Variants in RBMS3 observed in about 807,000 individuals in gnomAD.
The protein encoded by RBMS3 is RNA-binding motif, single-stranded-interacting protein 3.
A neutral mutation model predicts 66.8 loss-of-function variants in RBMS3; 27 were observed. The observed-to-expected ratio is 0.40, with a 90% CI of 0.30 to 0.56. The LOEUF is 0.56. Ranked by LOEUF, RBMS3 falls within the 20% of genes least tolerant of loss-of-function variation. RBMS3 has a pLI of 0.40. For missense variants in RBMS3, 513 were observed against 549.5 expected, an observed-to-expected ratio of 0.93 and a Z score of 0.66; for synonymous variants, 188 against 183.0, an observed-to-expected ratio of 1.03 and a Z score of -0.22.
At chr3:29,847,396 T>G (rs901730323) in intron 6 of RBMS3, among the ~76,000 whole-genome samples, 22 of 152,218 alleles carry the variant, frequency 1.4e-4, no homozygotes, top group Admixed American at 4.6e-4. Flanking sequence ...AGAGTTCCAA[T>G]TTCAGCACAC....
chr3:29,867,683 T>C (rs933132025), intron 6 of RBMS3, among the ~76,000 whole-genome samples: 1 of 151,252 alleles, frequency 6.6e-6, no homozygotes, highest in Non-Finnish European at 1.5e-5. Flanking sequence ...TAACATCCCA[T>C]TGGCCAAAGC....
intron 4 of RBMS3, among the ~76,000 whole-genome samples, chr3:29,646,049 G>A (rs546955951): frequency 3.9e-5 from 6 of 152,274 alleles, no homozygotes; most frequent in South Asian, 2.1e-4. Context: ...TATCATCTTC[G>A]ATGTTCCCTT....
intron 1 of RBMS3, among the ~76,000 whole-genome samples, chr3:29,389,200 G>A (rs1409852568): frequency 4.6e-5 from 7 of 152,028 alleles, no homozygotes. Context: ...ATATCTCTTA[G>A]CCATGGGTTC....
chr3:29,685,490 G>A (rs1241308558), intron 4 of RBMS3, among the ~76,000 whole-genome samples: 3 of 151,734 alleles, frequency 2.0e-5, no homozygotes, highest in South Asian at 2.1e-4. Flanking sequence ...TTGTCCCATG[G>A]GAGTCCATTC....
At chr3:29,423,692 T>A (rs2040837803) in intron 1 of RBMS3, among the ~76,000 whole-genome samples, 1 of 152,242 alleles carries the variant, frequency 6.6e-6, no homozygotes, top group Non-Finnish European at 1.5e-5. Flanking sequence ...CAGCAGTCAG[T>A]ACCCACGTAT....
At chr3:29,495,910 A>G (rs2043730299) in intron 3 of RBMS3, among the ~76,000 whole-genome samples, 1 of 152,220 alleles carries the variant, frequency 6.6e-6, no homozygotes, top group Non-Finnish European at 1.5e-5. Context: ...GGCGGATAAC[A>G]GACATTTCCA....
intron 4 of RBMS3, among the ~76,000 whole-genome samples, chr3:29,646,040 A>G (rs970784896): frequency 6.6e-6 from 1 of 152,228 alleles, no homozygotes; most frequent in Non-Finnish European, 1.5e-5. Flanking sequence ...CAAGCCTGCT[A>G]TCATCTTCGA....
chr3:29,812,245 AT>A (rs764740859), intron 6 of RBMS3, among the ~76,000 whole-genome samples: 8 of 152,142 alleles, frequency 5.3e-5, no homozygotes, highest in Non-Finnish European at 7.3e-5. Context: ...AAATATAAGA[AT>A]AGGTCATAGA....
chr3:29,285,835 C>A (rs1442900858), intron 1 of RBMS3, among the ~76,000 whole-genome samples: 3 of 152,048 alleles, frequency 2.0e-5, no homozygotes, highest in African/African-American at 7.2e-5. Flanking sequence ...GAGGCTTCCA[C>A]GGAGCAAAGG....
intron 1 of RBMS3, among the ~76,000 whole-genome samples, chr3:29,283,011 G>C (rs2031947258): frequency 6.6e-6 from 1 of 152,102 alleles, no homozygotes; most frequent in South Asian, 2.1e-4. Context: ...TGAGCATTTA[G>C]TTTGTGCTGC....
chr3:29,670,890 T>G (rs2050970606), intron 4 of RBMS3, among the ~76,000 whole-genome samples: 1 of 152,192 alleles, frequency 6.6e-6, no homozygotes, highest in South Asian at 2.1e-4. Context: ...CTGACAGTTT[T>G]GAAGAGAGCA....
At chr3:29,773,924 A>T (rs2056323227) in intron 6 of RBMS3, among the ~76,000 whole-genome samples, 1 of 151,190 alleles carries the variant, frequency 6.6e-6, no homozygotes, top group South Asian at 2.1e-4. Flanking sequence ...TCCTTGCTTG[A>T]CTCCTTCACT....
chr3:29,939,358 A>C (rs1185297599), intron 11 of RBMS3, among the ~76,000 whole-genome samples: 1 of 151,958 alleles, frequency 6.6e-6, no homozygotes, highest in Non-Finnish European at 1.5e-5. Context: ...TGCAATAATA[A>C]TACTATCTCT....
intron 3 of RBMS3, among the ~76,000 whole-genome samples, chr3:29,575,926 T>A (rs562775104): frequency 1.9e-4 from 29 of 152,290 alleles, no homozygotes; most frequent in Admixed American, 5.2e-4. Flanking sequence ...TTTAATTTTT[T>A]AAAATTTCCT....
At chr3:29,572,952 G>A (rs1029162326) in intron 3 of RBMS3, among the ~76,000 whole-genome samples, 2 of 151,646 alleles carry the variant, frequency 1.3e-5, no homozygotes, top group African/African-American at 4.8e-5. Context: ...TTAGTTATTG[G>A]TCTGTTTAGT....
chr3:29,498,088 G>A (rs1043327225), intron 3 of RBMS3, among the ~76,000 whole-genome samples: 10 of 129,914 alleles, frequency 7.7e-5, no homozygotes, highest in African/African-American at 2.0e-4. Context: ...TCCGCCTCCC[G>A]GGTTCAAACG....
intron 3 of RBMS3, among the ~76,000 whole-genome samples, chr3:29,578,120 T>G (rs1303036930): frequency 6.6e-6 from 1 of 152,240 alleles, no homozygotes; most frequent in African/African-American, 2.4e-5. Context: ...TATACTTTTA[T>G]AACTCTATAA....
intron 10 of RBMS3, among the ~76,000 whole-genome samples, chr3:29,902,231 C>A (rs912084179): frequency 2.0e-5 from 3 of 151,754 alleles, no homozygotes; most frequent in African/African-American, 7.3e-5. Flanking sequence ...ATGTTTTGTT[C>A]ATTAAATGAA....
intron 4 of RBMS3, among the ~76,000 whole-genome samples, chr3:29,604,213 T>A (rs1029273912): frequency 6.6e-6 from 1 of 152,002 alleles, no homozygotes; most frequent in East Asian, 1.9e-4. Flanking sequence ...TCCATAATTA[T>A]TTTTTACATA....
Sources: gnomAD v4.1 joint callset for allele counts (sites outside exome capture counted in the v4.1 genomes callset) on GRCh38, gnomAD v4.1.1 for gene constraint, MANE v1.5 for transcripts, NCBI Gene and HGNC (gene_info 2026-07-23, HGNC 2026-07-21) for gene names.